The following MBD5 variants were observed in gnomAD, a reference collection of about 807,000 sequenced individuals.
The protein encoded by MBD5 is methyl-CpG binding domain protein 5, also known as methyl-CpG-binding domain protein 5.
MBD5 carries 13 observed loss-of-function variants against 117.3 expected under a neutral mutation model. That is an observed-to-expected ratio of 0.11 (90% CI 0.07 to 0.18). MBD5 has a LOEUF of 0.18. Among genes scored for constraint, MBD5 ranks in the 10% least tolerant of loss-of-function variants. The probability of loss-of-function intolerance (pLI) is 1.00; values close to 1 mark genes in which losing one functional copy is unlikely to be tolerated. For missense variants in MBD5, 1,879 were observed against 2,093.8 expected, an observed-to-expected ratio of 0.90 and a Z score of 2.00; for synonymous variants, 727 against 766.4, an observed-to-expected ratio of 0.95 and a Z score of 0.85.
intron 2 of MBD5, among the ~76,000 whole-genome samples, chr2:148,208,755 C>A (rs1405565932): frequency 6.6e-6 from 1 of 151,204 alleles, no homozygotes; most frequent in Non-Finnish European, 1.5e-5. Context: ...AGGGACTCTT[C>A]ATTCCCCAGC....
intron 1 of MBD5, among the ~76,000 whole-genome samples, chr2:148,076,500 G>A (rs1695514434): frequency 6.6e-6 from 1 of 152,030 alleles, no homozygotes; most frequent in Non-Finnish European, 1.5e-5. Context: ...CTTTCATCAT[G>A]CTGGAAAGAA....
At chr2:148,315,861 GT>G (rs1702145120) in intron 3 of MBD5, among the ~76,000 whole-genome samples, 1 of 152,118 alleles carries the variant, frequency 6.6e-6, no homozygotes, top group African/African-American at 2.4e-5. Context: ...TTTAACACCA[GT>G]TTCATTAGTC....
chr2:148,154,969 T>C (rs1159039441), intron 1 of MBD5, among the ~76,000 whole-genome samples: 1 of 152,172 alleles, frequency 6.6e-6, no homozygotes, highest in Non-Finnish European at 1.5e-5. Flanking sequence ...AATAAATATT[T>C]ATTGAGTTCT....
Position 148,483,951 on chromosome 2 carries a change from CACT to C in MBD5, c.3363_3365del (p.Thr1122del). Reference sequence around the variant, plus strand: ...CCTCCCAGGCAACCACTACCACAACCACTACATCATCAGCAGTGGCAGCACTGA... The same window carrying C: ...CCTCCCAGGCAACCACTACCACAACCACATCATCAGCAGTGGCAGCACTGA... On this transcript the variant is annotated inframe_deletion, in exon 9 of 14. Coordinates refer to ENST00000642680, the MANE Select transcript of MBD5 (RefSeq NM_001378120.1). 6.4e-7 allele frequency: 1 copy of C among 1,550,486 alleles called. No individual in the cohort carries two copies. The highest frequency in any genetic ancestry group is 8.7e-7 in the Non-Finnish European group (1 of 1,146,920).
chr2:148,244,305 T>G (rs190593103), intron 3 of MBD5: 1 of 152,170 alleles, frequency 6.6e-6, no homozygotes, highest in East Asian at 1.9e-4. Context: ...CTATAAGAGT[T>G]TAGTTGAGAA....
intron 7 of MBD5, among the ~76,000 whole-genome samples, chr2:148,467,392 A>G (rs1233039165): frequency 6.6e-6 from 1 of 152,192 alleles, no homozygotes; most frequent in Non-Finnish European, 1.5e-5. Context: ...AAACAGCCAG[A>G]GAAGGAGAAA....
At chr2:148,348,932 T>C (rs1435218484) in intron 4 of MBD5, among the ~76,000 whole-genome samples, 1 of 151,976 alleles carries the variant, frequency 6.6e-6, no homozygotes, top group East Asian at 1.9e-4. Flanking sequence ...AATTATTTGC[T>C]GAATTAACAG....
chr2:148,270,773 C>G (rs985812097), intron 3 of MBD5, among the ~76,000 whole-genome samples: 2 of 151,918 alleles, frequency 1.3e-5, no homozygotes, highest in Non-Finnish European at 2.9e-5. Flanking sequence ...TTTTGTGTTT[C>G]CAATTGCCCT....
At chr2:148,389,186 GGTGTGTGTGTGT>G (rs70995313) in intron 4 of MBD5, among the ~76,000 whole-genome samples, 11 of 89,582 alleles carry the variant, frequency 1.2e-4, no homozygotes, top group Admixed American at 2.7e-4. Flanking sequence ...AGTATTCCGT[GGTGTGTGTGTGT>G]GTGTGTGTGT....
intron 4 of MBD5, among the ~76,000 whole-genome samples, chr2:148,369,391 T>C (rs969433579): frequency 8.5e-5 from 13 of 152,170 alleles, no homozygotes; most frequent in African/African-American, 3.1e-4. Context: ...ATTACTTTTT[T>C]AATTTGATAA....
At chr2:148,111,528 A>G (rs551716972) in intron 1 of MBD5, among the ~76,000 whole-genome samples, 2 of 152,346 alleles carry the variant, frequency 1.3e-5, no homozygotes, top group African/African-American at 2.4e-5. Context: ...AAGGTTGTCT[A>G]GGACACTTTG....
At chr2:148,083,701 C>T (rs908854145) in intron 1 of MBD5, among the ~76,000 whole-genome samples, 2 of 152,060 alleles carry the variant, frequency 1.3e-5, no homozygotes, top group Admixed American at 1.3e-4. Context: ...GATCTTGGCT[C>T]ACTGCAACCT....
chr2:148,086,676 CCAA>C (rs1193919091), intron 1 of MBD5, among the ~76,000 whole-genome samples: 1 of 152,138 alleles, frequency 6.6e-6, no homozygotes, highest in Non-Finnish European at 1.5e-5. Flanking sequence ...TTACATTTAC[CCAA>C]CAGGATACAG....
chr2:148,434,955 T>G (rs545026233), intron 4 of MBD5, among the ~76,000 whole-genome samples: 1 of 152,208 alleles, frequency 6.6e-6, no homozygotes, highest in Admixed American at 6.5e-5. Flanking sequence ...TTTAGAGAGT[T>G]AGGTCTTCTT....
At chr2:148,436,700 T>G (rs1237439295) in intron 4 of MBD5, among the ~76,000 whole-genome samples, 1 of 152,072 alleles carries the variant, frequency 6.6e-6, no homozygotes, top group Non-Finnish European at 1.5e-5. Context: ...GTAGAAATGA[T>G]GGAATTGAAA....
At chr2:148,231,041 C>A (rs1003378873) in intron 2 of MBD5, among the ~76,000 whole-genome samples, 1 of 152,282 alleles carries the variant, frequency 6.6e-6, no homozygotes, top group Non-Finnish European at 1.5e-5. Context: ...CTCCCTTCCC[C>A]ACCCTGGCTG....
At chr2:148,398,794 T>C (rs1704821617) in intron 4 of MBD5, among the ~76,000 whole-genome samples, 1 of 152,256 alleles carries the variant, frequency 6.6e-6, no homozygotes, top group African/African-American at 2.4e-5. Context: ...AGGTCTAACA[T>C]GTAAGTCTTT....
chr2:148,070,488 A>T (rs1695321426), intron 1 of MBD5, among the ~76,000 whole-genome samples: 1 of 152,212 alleles, frequency 6.6e-6, no homozygotes, highest in Admixed American at 6.5e-5. Context: ...CTCAGGCAAA[A>T]TGACCATTTT....
At chr2:148,442,853 A>T (rs1434863649) in intron 4 of MBD5, among the ~76,000 whole-genome samples, 1 of 151,466 alleles carries the variant, frequency 6.6e-6, no homozygotes, top group Non-Finnish European at 1.5e-5. Context: ...AAATTTCTTG[A>T]GTAACACAAG....
Sources: gnomAD v4.1 joint callset for allele counts (sites outside exome capture counted in the v4.1 genomes callset) on GRCh38, gnomAD v4.1.1 for gene constraint, MANE v1.5 for transcripts, NCBI Gene and HGNC (gene_info 2026-07-23, HGNC 2026-07-21) for gene names.